The following ATM variants were observed in gnomAD, a reference collection of about 807,000 sequenced individuals.
ATM encodes serine-protein kinase ATM.
A neutral mutation model predicts 387.0 loss-of-function variants in ATM; 308 were observed. That is an observed-to-expected ratio of 0.80 (90% CI 0.73 to 0.87). The LOEUF (loss-of-function observed/expected upper bound fraction) is 0.87. Ranked by LOEUF, ATM falls within the 40% of genes least tolerant of loss-of-function variation. The pLI, the probability that ATM is intolerant of heterozygous loss-of-function variation, is 0.00. For missense variants in ATM, 3,312 were observed against 3,560.9 expected (o/e 0.93, Z 1.78); for synonymous variants, 1,156 against 1,187.3 (o/e 0.97, Z 0.54).
chr11:108,268,650 A>T, intron 18 of ATM, 41 bp downstream of exon 18: 2 of 1,583,492 alleles, frequency 1.3e-6, no homozygotes, highest in Middle Eastern at 1.7e-4. Flanking sequence ...ATTTTATCTG[A>T]TGTTGCTGAC....
At chr11:108,335,352 A>AT in intron 55 of ATM, 4 of 1,236,770 alleles carry the variant, frequency 3.2e-6, no homozygotes, top group Non-Finnish European at 4.3e-6. Flanking sequence ...TAACATGTAC[A>AT]GACATGTACA....
intron 61 of ATM, among the ~76,000 whole-genome samples, chr11:108,358,121 T>G: frequency 6.6e-6 from 1 of 150,984 alleles, no homozygotes; most frequent in Non-Finnish European, 1.5e-5. Context: ...GAGCTGAAAA[T>G]CAAGGCTCGA....
intron 14 of ATM, among the ~76,000 whole-genome samples, chr11:108,256,673 C>T (rs561588334): frequency 3.3e-5 from 5 of 152,096 alleles, no homozygotes; most frequent in African/African-American, 4.8e-5. Context: ...CCCTAGCCCC[C>T]GACCCCCTGT....
At chr11:108,311,950 T>G (rs676004) in intron 39 of ATM, among the ~76,000 whole-genome samples, 1 of 152,202 alleles carries the variant, frequency 6.6e-6, no homozygotes, top group Non-Finnish European at 1.5e-5. Context: ...TTTATAGTCT[T>G]GGTTTAAGTG....
intron 61 of ATM, among the ~76,000 whole-genome samples, chr11:108,357,596 C>T (rs555473185): frequency 5.3e-5 from 8 of 152,174 alleles, no homozygotes; most frequent in Non-Finnish European, 7.3e-5. Context: ...AGCTGGAGAT[C>T]GGACAACAGG....
At chr11:108,259,132 T>C (rs1284670910) in intron 16 of ATM, 57 bp downstream of exon 16, 2 of 1,377,154 alleles carry the variant, frequency 1.5e-6, no homozygotes, top group East Asian at 2.3e-5. Flanking sequence ...ATAATTTTTT[T>C]GTTGAAATAT....
At chr11:108,243,655 G>A (rs746190369) in intron 5 of ATM, among the ~76,000 whole-genome samples, 1 of 152,162 alleles carries the variant, frequency 6.6e-6, no homozygotes, top group East Asian at 1.9e-4. Flanking sequence ...TGTACTGTAA[G>A]TGCTTTCTTA....
chr11:108,335,078 C>G lies in ATM; in HGVS notation c.8120C>G (p.Ser2707Cys), dbSNP rs748016261. Residue 2707 changes from serine to cysteine, a missense_variant, in exon 55 of 63, where the codon TCC (serine) becomes TGC (cysteine). Around this residue, in one of 4 missense-constraint regions of ATM, gnomAD observed 1,405 missense variants for 1,604.4 expected, o/e 0.88. Coordinates refer to ENST00000675843, the MANE Select transcript of ATM (RefSeq NM_000051.4). ...CCAAAAATAATAGATTGTGTAGGTT[C>G]CGATGGCAAGGAGAGGAGACAGCTT... The part of the protein sequence containing the change: ...NLPKIIDCVG[S>C]DGKERRQLVK... 5.0e-6 allele frequency: 8 copies of G among 1,613,990 alleles called. No individual in the cohort carries two copies. The East Asian group carries it at 1.8e-4, about 36-fold the overall frequency.
chr11:108,281,080 C>A lies in ATM; in HGVS notation c.3488C>A (p.Ser1163Tyr), dbSNP rs372766122. The change falls in exon 24 of 63, where the codon TCC (serine) becomes TAC (tyrosine). Residue 1163 changes from serine to tyrosine, a missense_variant. Transcript: ENST00000675843. ...CTGACGTTGATAGCTGTGGTTTTAT[C>A]CTGTAGCCCTATCTGCGAAAAACAG... ...VLLTLIAVVL[S>Y]CSPICEKQAL... is the part of the protein sequence containing the mutation. The A allele has an allele frequency of 1.2e-6, 2 of 1,613,690 alleles. No homozygotes were observed. Among genetic ancestry groups the A allele is most frequent in the African/African-American group, 2.7e-5 (2 of 74,928 alleles).
At chr11:108,273,328 A>ATTTTTTTTTTTTT (rs2081718897) in intron 22 of ATM, among the ~76,000 whole-genome samples, 1 of 106,404 alleles carries the variant, frequency 9.4e-6, no homozygotes, top group African/African-American at 4.2e-5. Context: ...TATTAATTTC[A>ATTTTTTTTTTTTT]TTCTTTTTTT....
intron 39 of ATM, among the ~76,000 whole-genome samples, chr11:108,310,752 G>T (rs2084084502): frequency 6.6e-6 from 1 of 151,834 alleles, no homozygotes; most frequent in Non-Finnish European, 1.5e-5. Context: ...ATCCAAAATG[G>T]CTATAATGTG....
At chr11:108,249,311 C>T (rs1441803661) in intron 9 of ATM, among the ~76,000 whole-genome samples, 2 of 152,108 alleles carry the variant, frequency 1.3e-5, no homozygotes, top group African/African-American at 2.4e-5. Context: ...GCAGGGCCAC[C>T]TATTTTAATC....
chr11:108,240,135 T>C (rs911300225), intron 5 of ATM, among the ~76,000 whole-genome samples: 1 of 152,248 alleles, frequency 6.6e-6, no homozygotes, highest in African/African-American at 2.4e-5. Context: ...GGTTCACTTT[T>C]GGTGGTACAT....
intron 3 of ATM, 115 bp downstream of exon 3, chr11:108,228,003 T>TATGCAAGGCATAATGA: frequency 1.2e-6 from 1 of 858,918 alleles, no homozygotes; most frequent in Non-Finnish European, 1.8e-6. Flanking sequence ...CTATATATCA[T>TATGCAAGGCATAATGA]TATGCCTTGC....
At chr11:108,257,746 A>G (rs2080598119) in intron 15 of ATM, 140 bp downstream of exon 15, 1 of 872,640 alleles carries the variant, frequency 1.1e-6, no homozygotes, top group Non-Finnish European at 1.8e-6. Context: ...CAGCCTCCCA[A>G]GTAATTGGGA....
chr11:108,249,708 T>C (rs2080033428), intron 9 of ATM, among the ~76,000 whole-genome samples: 1 of 152,198 alleles, frequency 6.6e-6, no homozygotes, highest in East Asian at 1.9e-4. Flanking sequence ...AAGCAACTTC[T>C]GTAGGGACAG....
chr11:108,248,529 T>C (rs1429267042), intron 8 of ATM, among the ~76,000 whole-genome samples: 1 of 152,186 alleles, frequency 6.6e-6, no homozygotes, highest in Non-Finnish European at 1.5e-5. Context: ...ATGAGTTCCC[T>C]GTATCTTCAT....
intron 10 of ATM, among the ~76,000 whole-genome samples, chr11:108,251,456 C>A (rs1330962918): frequency 6.6e-6 from 1 of 152,144 alleles, no homozygotes; most frequent in African/African-American, 2.4e-5. Context: ...TTATTCTCTT[C>A]TTGCTGTTTG....
intron 61 of ATM, 57 bp downstream of exon 61, chr11:108,354,931 C>G (rs761586242): frequency 1.4e-5 from 20 of 1,439,392 alleles, no homozygotes; most frequent in Non-Finnish European, 2.0e-5. Flanking sequence ...GACTGTGTAT[C>G]TCATCAGGAA....
Sources: allele counts gnomAD v4.1 joint callset (sites outside exome capture counted in the v4.1 genomes callset), GRCh38; gene constraint gnomAD v4.1.1; regional missense constraint gnomAD v4.1.1; transcripts MANE v1.5; gene names NCBI Gene and HGNC (gene_info 2026-07-23, HGNC 2026-07-21).